Variants in ZNF185 observed in about 807,000 individuals in gnomAD.
ZNF185 encodes zinc finger protein 185.
A neutral mutation model predicts 58.6 loss-of-function variants in ZNF185; 56 were observed. The ratio of observed to expected loss-of-function variants is 0.95; its 90% CI spans 0.77 to 1.19. ZNF185 has a LOEUF of 1.19. ZNF185 is among the 50% of genes most tolerant of loss of function. The probability of loss-of-function intolerance (pLI) is 0.00; values close to 1 mark genes in which losing one functional copy is unlikely to be tolerated. For synonymous variants in ZNF185, 230 were observed against 215.9 expected, an observed-to-expected ratio of 1.07 and a Z score of -0.57; for missense variants, 627 against 573.5, an observed-to-expected ratio of 1.09 and a Z score of -0.95.
In ZNF185 at chrX:152,945,626, A is replaced by C. The variant is rs782493971; in HGVS notation, c.1409+162A>C. Among the ~76,000 whole-genome samples the C allele has an allele frequency of 7.2e-5, 8 of 111,871 alleles. No individual in the cohort carries two copies. The South Asian group carries it at 2.2e-3, about 31-fold the overall frequency. On this transcript the variant is annotated intron_variant, in intron 16 of 22. Coordinates refer to ENST00000449285, the Ensembl canonical transcript of ZNF185. ...TGGGTCATGGTGATTCCCTGGTCCTAGAGCAGTGTCATCAGGCTTCTTGTG... is the reference window on the plus strand; with the variant it reads ...TGGGTCATGGTGATTCCCTGGTCCTCGAGCAGTGTCATCAGGCTTCTTGTG...
At chrX:152,931,766 G>A in exon 13 of ZNF185, 7 of 1,206,411 alleles carry the variant, frequency 5.8e-6, no homozygotes, top group Non-Finnish European at 7.8e-6. Flanking sequence ...CCCCAACACA[G>A]ATGCTGCAAG....
intron 21 of ZNF185, among the ~76,000 whole-genome samples, 196 bp from the exon 24 acceptor site, chrX:152,970,247 A>G (rs1556918096): frequency 3.6e-5 from 4 of 110,074 alleles, no homozygotes; most frequent in African/African-American, 6.7e-5. Flanking sequence ...CTCCCTACTG[A>G]AAAAAAAGGC....
At chrX:152,920,999 A>G (rs1486075216) in intron 9 of ZNF185, among the ~76,000 whole-genome samples, 1 of 112,703 alleles carries the variant, frequency 8.9e-6, no homozygotes, top group Non-Finnish European at 1.9e-5. Flanking sequence ...CCCCTGACCC[A>G]ACGTGGAGCA....
chrX:152,959,640 T>C, intron 16 of ZNF185, 59 bp from the exon 19 acceptor site: 6 of 1,131,156 alleles, frequency 5.3e-6, no homozygotes, highest in South Asian at 2.1e-5. Flanking sequence ...CTACCTGCCA[T>C]GGGAGAACAA....
chrX:152,938,031 T>C, intron 14 of ZNF185, 43 bp from the exon 17 acceptor site: 2 of 1,144,760 alleles, frequency 1.7e-6, no homozygotes, highest in Non-Finnish European at 2.3e-6. Flanking sequence ...GCCCCAGCCT[T>C]CTTTGGTCTG....
chrX:152,922,644 A>C (rs1939978465), intron 10 of ZNF185, 76 bp from the exon 12 acceptor site: 1 of 965,338 alleles, frequency 1.0e-6, no homozygotes, highest in Non-Finnish European at 1.4e-6. Flanking sequence ...CACTCCAATA[A>C]GTTAGCCACA....
intron 16 of ZNF185, 46 bp from the exon 19 acceptor site, chrX:152,959,653 T>C: frequency 8.6e-7 from 1 of 1,159,337 alleles, no homozygotes; most frequent in Non-Finnish European, 1.2e-6. Context: ...GAGAACAAAG[T>C]CTAGTCTCAG....
In ZNF185 at chrX:152,920,872, G is replaced by A. The variant is rs782444171; in HGVS notation, c.656+124G>A. ...GGATGTGGGGGACTACTGTCCCTGA[G>A]CAGGGGGAGTTGTGAGGGGCTGGGG... On this transcript the variant is annotated intron_variant, in intron 9 of 22. Transcript: ENST00000449285. The A allele has an allele frequency of 2.5e-5, 22 of 873,335 alleles. No homozygotes were observed. In the African/African-American group the frequency reaches 4.1e-4, roughly 16 times the overall value. The allele number at this position is 873,335 out of a possible 1,213,427, so 72.0% of individuals were successfully genotyped here.
chrX:152,972,226 C>A (rs1556919939), exon 23 of ZNF185: 1 of 112,109 alleles, frequency 8.9e-6, no homozygotes, highest in Non-Finnish European at 1.9e-5. Flanking sequence ...AGAGAGGTGG[C>A]TATTGCATTG....
intron 16 of ZNF185, among the ~76,000 whole-genome samples, chrX:152,955,074 T>C (rs1401566426): frequency 9.0e-6 from 1 of 111,633 alleles, no homozygotes; most frequent in East Asian, 2.8e-4. Flanking sequence ...CACTCACCAG[T>C]GTATGAATGG....
chrX:152,920,895 G>C, intron 9 of ZNF185, 147 bp downstream of exon 10: 1 of 717,966 alleles, frequency 1.4e-6, no homozygotes, highest in East Asian at 3.4e-5. Flanking sequence ...TGAGGGGCTG[G>C]GGGCTTCTGT....
chrX:152,919,661 G>A (rs1348783979), intron 7 of ZNF185, among the ~76,000 whole-genome samples: 2 of 112,363 alleles, frequency 1.8e-5, no homozygotes, highest in Admixed American at 9.4e-5. Flanking sequence ...ACCCAGTGCT[G>A]GTGAACTATG....
At chrX:152,905,716 G>A in the ZNF185 span, among the ~76,000 whole-genome samples, 1 of 108,556 alleles carries the variant, frequency 9.2e-6, no homozygotes, top group Non-Finnish European at 1.9e-5. Flanking sequence ...ACAGGCTTGG[G>A]GGGGGGGCGG....
intron 16 of ZNF185, among the ~76,000 whole-genome samples, chrX:152,958,526 C>T (rs1208504021): frequency 1.2e-4 from 13 of 110,764 alleles, no homozygotes; most frequent in South Asian, 3.9e-4. Flanking sequence ...GAGGCCGAGG[C>T]GGGCGGATTG....
At chrX:152,939,223 G>C (rs149595760) in intron 15 of ZNF185, among the ~76,000 whole-genome samples, 8,885 of 108,717 alleles carry the variant, frequency 0.082, 348 homozygotes, top group Non-Finnish European at 0.13. Flanking sequence ...CTGGGGGCTG[G>C]GGTGGGCAAT....
chrX:152,967,170 C>T (rs781842779), exon 20 of ZNF185: 1 of 1,210,997 alleles, frequency 8.3e-7, no homozygotes, highest in Non-Finnish European at 1.1e-6. Context: ...CCTGCAGCGT[C>T]AGCAGCATTG....
chrX:152,938,695 C>A (rs1425381741), intron 15 of ZNF185, among the ~76,000 whole-genome samples: 1 of 110,673 alleles, frequency 9.0e-6, no homozygotes, highest in Non-Finnish European at 1.9e-5. Flanking sequence ...TGTGCACAGC[C>A]CTCTACTCAC....
intron 9 of ZNF185, among the ~76,000 whole-genome samples, chrX:152,921,316 A>T (rs1214904747): frequency 9.0e-6 from 1 of 111,615 alleles, no homozygotes; most frequent in Non-Finnish European, 1.9e-5. Flanking sequence ...AGGGACTTCC[A>T]GTTGAGTGGA....
chrX:152,931,955 TGAAA>T (rs1441841977), intron 13 of ZNF185, among the ~76,000 whole-genome samples, 179 bp downstream of exon 14: 1 of 111,934 alleles, frequency 8.9e-6, no homozygotes, highest in African/African-American at 3.2e-5. Flanking sequence ...GAACATCTGT[TGAAA>T]GAAAGAAAGA....
Sources: allele counts gnomAD v4.1 joint callset (sites outside exome capture counted in the v4.1 genomes callset), GRCh38; gene constraint gnomAD v4.1.1; transcripts MANE v1.5; gene names NCBI Gene and HGNC (gene_info 2026-07-23, HGNC 2026-07-21).